JCAD: variants seen among roughly 807,000 people sequenced by gnomAD.
JCAD encodes junctional cadherin 5 associated, also known as junctional cadherin 5-associated protein.
In JCAD, 40 loss-of-function variants were observed where a neutral mutation model predicts 98.0. That is an observed-to-expected ratio of 0.41 (90% confidence interval 0.32 to 0.53). The LOEUF is 0.53. JCAD is among the 20% of genes least tolerant of loss of function. JCAD has a pLI of 0.31. For missense variants in JCAD, 1,705 were observed against 1,738.1 expected (o/e 0.98, Z 0.34); for synonymous variants, 691 against 682.3 (o/e 1.01, Z -0.20).
At chr10:30,074,866 C>T (rs1837955263) in intron 1 of JCAD, among the ~76,000 whole-genome samples, 2 of 152,156 alleles carry the variant, frequency 1.3e-5, no homozygotes, top group African/African-American at 4.8e-5. Context: ...CATCTTAGCT[C>T]ACTGCAGCCT....
At chr10:30,080,936 A>G (rs544437882) in intron 1 of JCAD, among the ~76,000 whole-genome samples, 1 of 152,340 alleles carries the variant, frequency 6.6e-6, no homozygotes, top group East Asian at 1.9e-4. Flanking sequence ...CTCTTTCATG[A>G]CTTGTTCTCA....
At chr10:30,046,629 T>C (rs955322910) in intron 2 of JCAD, among the ~76,000 whole-genome samples, 4 of 152,160 alleles carry the variant, frequency 2.6e-5, no homozygotes, top group African/African-American at 9.7e-5. Flanking sequence ...CTAAAATGAC[T>C]CCTATCTGAG....
chr10:30,103,630 A>C (rs3858237), intron 1 of JCAD, among the ~76,000 whole-genome samples: 17 of 86,428 alleles, frequency 2.0e-4, no homozygotes, highest in South Asian at 2.7e-4. Context: ...ACACACACAC[A>C]CCCACACACA....
chr10:30,069,756 T>C (rs1837853288), exon 2 of JCAD: 1 of 148,662 alleles, frequency 6.7e-6, no homozygotes, highest in Admixed American at 6.7e-5. Flanking sequence ...GCCCGGGAAG[T>C]CAAGGTTGCA....
At chr10:30,037,715 T>C (rs1837144354) in intron 2 of JCAD, among the ~76,000 whole-genome samples, 2 of 152,238 alleles carry the variant, frequency 1.3e-5, no homozygotes, top group Admixed American at 6.5e-5. Flanking sequence ...GAAGTGATGC[T>C]AAATTTGGAC....
At chr10:30,109,005 C>G (rs894202960) in intron 1 of JCAD, among the ~76,000 whole-genome samples, 2 of 152,146 alleles carry the variant, frequency 1.3e-5, no homozygotes, top group Non-Finnish European at 2.9e-5. Flanking sequence ...CTGGTTGAAA[C>G]AACGGGAGCC....
At position 30,047,888 on chromosome 10, in the gene JCAD, A is replaced by T. The variant is rs1364941433; in HGVS notation, c.-59-17T>A. The T allele has an allele frequency of 6.7e-7, 1 of 1,487,026 alleles. No individual in the cohort carries two copies. Among genetic ancestry groups the T allele is most frequent in the Non-Finnish European group, 9.1e-7 (1 of 1,102,578 alleles). 92.1% of individuals were successfully genotyped at this position (1,487,026 alleles called of 1,614,324 possible). A position where few individuals can be genotyped will look rare whatever the true frequency, so the allele number is the denominator to read the frequency against. On this transcript the variant is annotated splice_polypyrimidine_tract_variant and intron_variant, in intron 1 of 3. Transcript: ENST00000375377. ...GACCCAGCACTGCAGGACAACAGAG[A>T]GCTCTATTTGTGACTAGGTCTCCCT...
rs1478423849 is a variant in JCAD at position 30,028,030 on chromosome 10, A to T, written c.2118T>A (p.Pro706=). Residue 706 remains proline (P), a synonymous_variant, in exon 3 of 4, where the codon CCT becomes CCA. Coordinates refer to ENST00000375377, the MANE Select transcript of JCAD (RefSeq NM_020848.4). ...SEEPQSSQLL[P]GAKLGGPSRA... ...GACTCGGCCCTCCCAGCTTTGCACC[A>T]GGGAGCAGCTGCGAACTTTGGGGCT... is the stretch of plus-strand genomic sequence containing the variant. 2 of 1,614,108 alleles carry T rather than the reference A, an allele frequency of 1.2e-6. No homozygotes were observed. Among genetic ancestry groups the T allele is most frequent in the Non-Finnish European group, 1.7e-6 (2 of 1,180,052 alleles).
chr10:30,019,421 G>T (rs972916574), intron 3 of JCAD, among the ~76,000 whole-genome samples: 3 of 151,158 alleles, frequency 2.0e-5, no homozygotes, highest in Non-Finnish European at 2.9e-5. Context: ...GATATTATTC[G>T]GCCCTAAAAG....
intron 3 of JCAD, among the ~76,000 whole-genome samples, chr10:30,022,934 C>T (rs1258753072): frequency 6.6e-6 from 1 of 152,102 alleles, no homozygotes; most frequent in East Asian, 1.9e-4. Flanking sequence ...ACTGACTTGC[C>T]CAGAGCAACT....
At position 30,026,453 on chromosome 10, in the gene JCAD, C is replaced by T. The variant is rs1836801349; in HGVS notation, c.3695G>A (p.Arg1232Lys). The T allele has an allele frequency of 6.2e-7, 1 of 1,614,264 alleles. No individual in the cohort carries two copies. The highest frequency in any genetic ancestry group is 1.1e-5 in the South Asian group (1 of 91,090). The stretch of plus-strand genomic sequence containing the variant: ...AATCACTTTGGAAGGGCTTCTAAGT[C>T]TCTTTTCAGAGCCTGCCACACTTGG... ...RTPSVAGSEK[R>K]LRSPSKVIES... Residue 1232 changes from arginine to lysine, a missense_variant, in exon 3 of 4, where the codon AGA becomes AAA. This residue lies in a region of JCAD where 1,278 missense variants were observed against 1,243.1 expected (regional missense o/e 1.03). Coordinates refer to ENST00000375377, the MANE Select transcript of JCAD (RefSeq NM_020848.4).
intron 2 of JCAD, among the ~76,000 whole-genome samples, chr10:30,064,722 AGTGCAGTGGT>A (rs1004311701): frequency 1.3e-5 from 2 of 151,608 alleles, no homozygotes; most frequent in African/African-American, 4.9e-5. Context: ...CCCAGGCTAG[AGTGCAGTGGT>A]GTAATTTCAG....
chr10:30,022,272 C>T (rs572511726), intron 3 of JCAD, among the ~76,000 whole-genome samples: 10 of 151,832 alleles, frequency 6.6e-5, no homozygotes, highest in Admixed American at 2.0e-4. Flanking sequence ...TGGGGTGGTG[C>T]GGATAGACAT....
chr10:30,105,449 G>A (rs1404871741), intron 1 of JCAD, among the ~76,000 whole-genome samples: 6 of 150,306 alleles, frequency 4.0e-5, no homozygotes, highest in African/African-American at 9.8e-5. Flanking sequence ...TCAGCCTCCC[G>A]AGTAGCTGGG....
chr10:30,025,362 A>T (rs1836766531), intron 3 of JCAD, among the ~76,000 whole-genome samples: 1 of 151,764 alleles, frequency 6.6e-6, no homozygotes, highest in South Asian at 2.1e-4. Context: ...TACTAAAAAT[A>T]CAAAAATAAA....
intron 1 of JCAD, among the ~76,000 whole-genome samples, chr10:30,108,642 G>A (rs888893479): frequency 2.6e-5 from 4 of 152,152 alleles, no homozygotes; most frequent in Non-Finnish European, 5.9e-5. Context: ...TCCAAAGCCA[G>A]AAAGAAATGA....
rs142867968 is a variant in JCAD, at chr10:30,049,719, G to C, written c.-59-1848C>G. ...CAAGGGTTTGTTCTTTAATTCAACA[G>C]AGTAAGTTCCACCATGGGAGGGATT... is the stretch of plus-strand genomic sequence containing the variant. On this transcript the variant is annotated intron_variant, in intron 1 of 3. Transcript: ENST00000375377. Among the ~76,000 whole-genome samples the C allele has an allele frequency of 2.0e-4, 31 of 152,256 alleles. No homozygotes were observed. In the South Asian group the frequency reaches 2.3e-3, roughly 11 times the overall value.
rs1219966248 is a variant in JCAD at position 30,054,838 on chromosome 10, T to A, written c.-60+4644A>T. Reference sequence around the variant, plus strand: ...GCGCCCGCCACCTCGCCCGGCTAATTTTTTGTATTTTTAGTAGAGACAGGG... The same window carrying A: ...GCGCCCGCCACCTCGCCCGGCTAATATTTTGTATTTTTAGTAGAGACAGGG... On this transcript the variant is annotated intron_variant, in intron 1 of 3. Coordinates refer to ENST00000375377, the MANE Select transcript of JCAD (RefSeq NM_020848.4). 2.0e-5 allele frequency among the ~76,000 whole-genome samples: 3 copies of A among 151,688 alleles called. No individual in the cohort carries two copies. In the East Asian group the frequency reaches 5.8e-4, roughly 29 times the overall value.
At chr10:30,113,330 C>A (rs533289248) in intron 1 of JCAD, among the ~76,000 whole-genome samples, 33 of 152,092 alleles carry the variant, frequency 2.2e-4, no homozygotes, top group African/African-American at 8.0e-4. Context: ...GCCAGTGGAT[C>A]ACCTGAGGTC....
Sources: allele counts gnomAD v4.1 joint callset (sites outside exome capture counted in the v4.1 genomes callset), GRCh38; gene constraint gnomAD v4.1.1; regional missense constraint gnomAD v4.1.1; transcripts MANE v1.5; gene names NCBI Gene and HGNC (gene_info 2026-07-23, HGNC 2026-07-21).